Variants in TPST1 observed in about 807,000 individuals in gnomAD.
The protein encoded by TPST1 is tyrosylprotein sulfotransferase 1, also known as protein-tyrosine sulfotransferase 1.
Under a neutral mutation model 34.8 loss-of-function variants are expected in TPST1, and 20 were observed. The ratio of observed to expected loss-of-function variants is 0.57; its 90% confidence interval spans 0.40 to 0.84. The LOEUF is 0.84. Ranked by LOEUF, TPST1 falls within the 40% of genes least tolerant of loss-of-function variation. The pLI, the probability that TPST1 is intolerant of heterozygous loss-of-function variation, is 0.00. For missense variants in TPST1, 353 were observed against 455.5 expected (o/e 0.78, Z 2.05); for synonymous variants, 152 against 159.4 (o/e 0.95, Z 0.35).
At chr7:66,359,744 C>A in intron 5 of TPST1, 151 bp from the exon 6 acceptor site, 1 of 387,798 alleles carries the variant, frequency 2.6e-6, no homozygotes, top group Admixed American at 2.7e-5. Context: ...GGCAGCTGTT[C>A]TCAACATCCA....
At chr7:66,260,545 T>A (rs193266175) in intron 2 of TPST1, among the ~76,000 whole-genome samples, 1,594 of 152,366 alleles carry the variant, frequency 0.01, 18 homozygotes, top group Non-Finnish European at 0.016. Flanking sequence ...AATGAGTATT[T>A]TTCTCATTAC....
intron 3 of TPST1, among the ~76,000 whole-genome samples, chr7:66,337,853 A>G (rs1424726759): frequency 6.6e-6 from 1 of 152,244 alleles, no homozygotes; most frequent in African/African-American, 2.4e-5. Flanking sequence ...TACACTAAAA[A>G]TAAATAGCAC....
chr7:66,240,798 G>T lies in TPST1; in HGVS notation c.373G>T (p.Asp125Tyr). 6.2e-7 allele frequency: 1 copy of T among 1,614,204 alleles called. No homozygotes were observed. Among genetic ancestry groups the T allele is most frequent in the Non-Finnish European group, 8.5e-7 (1 of 1,180,042 alleles). The stretch of plus-strand genomic sequence containing the variant: ...GTCAAGTAAAGAGAAGATCCGCCTG[G>T]ATGAGGCTGGTGTTACTGATGAAGT... Reference protein sequence around the residue: ...SRSSKEKIRLDEAGVTDEVLD... With the variant: ...SRSSKEKIRLYEAGVTDEVLD... Residue 125 changes from aspartate (D) to tyrosine (Y), a missense_variant, in exon 2 of 6, where the codon GAT (aspartate) becomes TAT (tyrosine). By Grantham distance (160) the Asp-to-Tyr change is radical. Transcript: ENST00000304842.
intron 2 of TPST1, among the ~76,000 whole-genome samples, chr7:66,250,395 G>T (rs1230519191): frequency 6.6e-6 from 1 of 152,156 alleles, no homozygotes; most frequent in African/African-American, 2.4e-5. Context: ...CATTTATGAA[G>T]ACAAACTAAA....
chr7:66,270,417 A>C (rs1381123469), intron 2 of TPST1, among the ~76,000 whole-genome samples: 1 of 152,148 alleles, frequency 6.6e-6, no homozygotes, highest in Non-Finnish European at 1.5e-5. Context: ...CCCTATCCCA[A>C]ACTAAGTCCC....
upstream of TPST1, among the ~76,000 whole-genome samples, chr7:66,204,959 G>A (rs1258360029): frequency 6.6e-6 from 1 of 152,262 alleles, no homozygotes; most frequent in African/African-American, 2.4e-5. Context: ...TTTCACTGAT[G>A]AAGGCCTCTG....
At chr7:66,222,325 G>A (rs1258749018) in intron 1 of TPST1, among the ~76,000 whole-genome samples, 1 of 151,804 alleles carries the variant, frequency 6.6e-6, no homozygotes, top group Admixed American at 6.6e-5. Context: ...GGTGGAGCTT[G>A]CAGTGAGCTG....
At chr7:66,321,792 T>C (rs374523176) in intron 3 of TPST1, among the ~76,000 whole-genome samples, 6 of 152,258 alleles carry the variant, frequency 3.9e-5, no homozygotes, top group Non-Finnish European at 7.3e-5. Flanking sequence ...TCGTGTCTAT[T>C]GATATCTCAT....
intron 2 of TPST1, among the ~76,000 whole-genome samples, chr7:66,248,768 C>A (rs1790204736): frequency 6.6e-6 from 1 of 152,136 alleles, no homozygotes; most frequent in Admixed American, 6.5e-5. Flanking sequence ...CTGCCTCGGC[C>A]TCCCAAAGTG....
chr7:66,319,531 A>G (rs1347417148), intron 3 of TPST1, among the ~76,000 whole-genome samples: 1 of 152,204 alleles, frequency 6.6e-6, no homozygotes, highest in Non-Finnish European at 1.5e-5. Flanking sequence ...GAAGATAGAT[A>G]TCTCTAAATG....
intron 3 of TPST1, among the ~76,000 whole-genome samples, chr7:66,324,723 C>G (rs1791824061): frequency 7.0e-6 from 1 of 142,654 alleles, no homozygotes; most frequent in Admixed American, 7.7e-5. Flanking sequence ...TGCTTGAACT[C>G]GGGAGGCAGA....
intron 3 of TPST1, among the ~76,000 whole-genome samples, chr7:66,303,177 T>G (rs987017079): frequency 6.6e-6 from 1 of 152,150 alleles, no homozygotes; most frequent in Admixed American, 6.6e-5. Flanking sequence ...ACTAAGGACA[T>G]GCCAGACATG....
chr7:66,198,931 G>A, the TPST1 span, among the ~76,000 whole-genome samples: 1 of 152,172 alleles, frequency 6.6e-6, no homozygotes, highest in African/African-American at 2.4e-5. Flanking sequence ...GCTTCCCGCA[G>A]GCCATTGACT....
intron 3 of TPST1, among the ~76,000 whole-genome samples, chr7:66,316,780 G>A (rs1791641020): frequency 6.6e-6 from 1 of 152,132 alleles, no homozygotes; most frequent in Non-Finnish European, 1.5e-5. Flanking sequence ...TTTAGTATAA[G>A]TATGTTCTAC....
intron 3 of TPST1, among the ~76,000 whole-genome samples, chr7:66,324,800 C>CAAAAA (rs56389964): frequency 6.7e-4 from 73 of 109,254 alleles, no homozygotes; most frequent in East Asian, 1.2e-3. Context: ...GACTCTGTCT[C>CAAAAA]AAAAAAAAAA....
chr7:66,223,164 G>A (rs1562801719), intron 1 of TPST1, among the ~76,000 whole-genome samples: 2 of 151,938 alleles, frequency 1.3e-5, no homozygotes, highest in South Asian at 2.1e-4. Context: ...AGGTTATGAG[G>A]GGCTGGGTGT....
intron 1 of TPST1, among the ~76,000 whole-genome samples, chr7:66,229,461 T>C (rs550642483): frequency 6.6e-6 from 1 of 152,340 alleles, no homozygotes; most frequent in Non-Finnish European, 1.5e-5. Flanking sequence ...ATCCAAGTTG[T>C]TGCACATATC....
intron 2 of TPST1, among the ~76,000 whole-genome samples, chr7:66,282,632 G>A (rs1790954454): frequency 6.6e-6 from 1 of 152,050 alleles, no homozygotes; most frequent in Non-Finnish European, 1.5e-5. Flanking sequence ...ACACTTTGCT[G>A]CCTCTTAGAA....
At chr7:66,267,648 C>T (rs896573882) in intron 2 of TPST1, among the ~76,000 whole-genome samples, 5 of 151,952 alleles carry the variant, frequency 3.3e-5, no homozygotes, top group African/African-American at 1.2e-4. Flanking sequence ...ATTTTTTTGA[C>T]CTTATGCTAA....
Sources: allele counts gnomAD v4.1 joint callset (sites outside exome capture counted in the v4.1 genomes callset), GRCh38; gene constraint gnomAD v4.1.1; transcripts MANE v1.5; gene names NCBI Gene and HGNC (gene_info 2026-07-23, HGNC 2026-07-21).